Variants in SPATA6L observed in about 807,000 individuals in gnomAD.
SPATA6L encodes the protein spermatogenesis associated 6 like.
Under a neutral mutation model 49.2 loss-of-function variants are expected in SPATA6L, and 68 were observed. The observed-to-expected ratio is 1.38, with a 90% confidence interval of 1.14 to 1.69. The LOEUF (loss-of-function observed/expected upper bound fraction) is 1.69. SPATA6L is among the 40% of genes most tolerant of loss of function. The pLI is 0.00. For synonymous variants in SPATA6L, 198 were observed against 165.7 expected, an observed-to-expected ratio of 1.19 and a Z score of -1.50; for missense variants, 668 against 464.3, an observed-to-expected ratio of 1.44 and a Z score of -4.03.
intron 3 of SPATA6L, chr9:4,646,456 T>A: frequency 6.8e-7 from 1 of 1,470,500 alleles, no homozygotes; most frequent in Non-Finnish European, 9.1e-7. Context: ...CATATTAAGC[T>A]AATTTAGAAA....
chr9:4,589,069 G>A (rs1821736831), intron 13 of SPATA6L: 1 of 152,206 alleles, frequency 6.6e-6, no homozygotes, highest in African/African-American at 2.4e-5. Flanking sequence ...AAGGGACTAT[G>A]GAACACGATG....
chr9:4,601,368 G>GTT (rs34602065), intron 11 of SPATA6L, among the ~76,000 whole-genome samples: 15,241 of 146,954 alleles, frequency 0.1, 969 homozygotes, highest in East Asian at 0.31. Context: ...TTTACGGGAG[G>GTT]TTTTTTTTTT....
intron 13 of SPATA6L, among the ~76,000 whole-genome samples, chr9:4,591,018 G>C (rs1821869634): frequency 6.6e-6 from 1 of 152,208 alleles, no homozygotes; most frequent in South Asian, 2.1e-4. Context: ...TCAAGGGTCT[G>C]GCTGCAGGGG....
At chr9:4,654,605 G>C (rs1246858529) in intron 3 of SPATA6L, among the ~76,000 whole-genome samples, 1 of 152,216 alleles carries the variant, frequency 6.6e-6, no homozygotes, top group South Asian at 2.1e-4. Flanking sequence ...TGGAGAATGA[G>C]TGTGAGGTTT....
rs1213539049 is a variant in SPATA6L at position 4,598,543 on chromosome 9, C to T, written c.*2268G>A. ...GATGCAAAAGTAAAGGGAAAAAAAG[C>T]GTAATTTAGTGTGAAAACCAAAAAT... On this transcript the variant is annotated 3_prime_UTR_variant, in exon 12 of 12. Transcript: ENST00000682582. 6.6e-6 allele frequency among the ~76,000 whole-genome samples: 1 copy of T among 151,972 alleles called. No individual in the cohort carries two copies. Among genetic ancestry groups the T allele is most frequent in the African/African-American group, 2.4e-5 (1 of 41,372 alleles).
At chr9:4,605,857 C>T (rs999759491) in intron 9 of SPATA6L, among the ~76,000 whole-genome samples, 12 of 152,298 alleles carry the variant, frequency 7.9e-5, no homozygotes, top group African/African-American at 1.4e-4. Context: ...CCAGCGTGAG[C>T]GACGCAGAGG....
intron 11 of SPATA6L, among the ~76,000 whole-genome samples, chr9:4,603,689 C>A (rs1823942211): frequency 6.6e-6 from 1 of 151,986 alleles, no homozygotes; most frequent in Non-Finnish European, 1.5e-5. Context: ...AAACAATCAG[C>A]CCAGATAAAA....
At chr9:4,624,815 A>C (rs1339248489) in intron 6 of SPATA6L, among the ~76,000 whole-genome samples, 1 of 152,108 alleles carries the variant, frequency 6.6e-6, no homozygotes, top group East Asian at 1.9e-4. Context: ...AAAATCTAAG[A>C]TGACTTTAAT....
At chr9:4,602,173 C>G (rs567480244) in intron 11 of SPATA6L, among the ~76,000 whole-genome samples, 1 of 151,672 alleles carries the variant, frequency 6.6e-6, no homozygotes, top group Admixed American at 6.6e-5. Context: ...TTCTCTCTAT[C>G]CCCCCACATC....
intron 13 of SPATA6L, among the ~76,000 whole-genome samples, chr9:4,589,821 C>G (rs1017934451): frequency 3.3e-5 from 5 of 152,178 alleles, no homozygotes; most frequent in Non-Finnish European, 5.9e-5. Context: ...TTTAATATAC[C>G]CTGTGGGAGG....
chr9:4,656,018 G>A, intron 3 of SPATA6L, 23 bp downstream of exon 3: 1 of 1,596,972 alleles, frequency 6.3e-7, no homozygotes, highest in Non-Finnish European at 8.6e-7. Context: ...TTGGTTTTTT[G>A]TTTTGTTTTT....
chr9:4,603,726 T>G (rs1157352905), intron 11 of SPATA6L, among the ~76,000 whole-genome samples: 2 of 152,190 alleles, frequency 1.3e-5, no homozygotes, highest in East Asian at 3.8e-4. Context: ...TGTCATAATT[T>G]ATGAAGGAAA....
At chr9:4,612,346 A>T (rs1449590389) in intron 9 of SPATA6L, among the ~76,000 whole-genome samples, 1 of 152,080 alleles carries the variant, frequency 6.6e-6, no homozygotes, top group African/African-American at 2.4e-5. Flanking sequence ...CCAGACTCCA[A>T]ACTGAACCAT....
intron 9 of SPATA6L, among the ~76,000 whole-genome samples, chr9:4,610,259 C>A (rs888736405): frequency 2.7e-4 from 40 of 149,298 alleles, no homozygotes; most frequent in African/African-American, 8.8e-4. Context: ...CCCCATCAAG[C>A]TACCAATGAC....
At position 4,629,769 on chromosome 9, in the gene SPATA6L, G is replaced by GTGTGTATATATATA. The variant is rs1311805859; in HGVS notation, c.352-602_352-601insTATATATATACACA. Among the ~76,000 whole-genome samples, 213 of 101,898 alleles carry GTGTGTATATATATA rather than the reference G, an allele frequency of 2.1e-3. 4 individuals carry two copies. The highest frequency in any genetic ancestry group is 0.01 in the African/African-American group (205 of 20,126). 66.8% of individuals were successfully genotyped at this position (101,898 alleles called of 152,430 possible). A position where few individuals can be genotyped will look rare whatever the true frequency, so the allele number is the denominator to read the frequency against. ...GTGTTTTATATATGTGTGTGTGTGT[G>GTGTGTATATATATA]TATATATATATATATATATATATAT... On this transcript the variant is annotated intron_variant, in intron 4 of 11. Coordinates refer to ENST00000682582, the MANE Select transcript of SPATA6L (RefSeq NM_001353486.2).
chr9:4,658,995 G>A (rs7024582), intron 2 of SPATA6L, among the ~76,000 whole-genome samples: 64,177 of 148,694 alleles, frequency 0.43, 13,975 homozygotes, highest in East Asian at 0.64. Context: ...ATTCAAAATT[G>A]ATATAACTAA....
chr9:4,648,247 C>A (rs776086886), intron 3 of SPATA6L, among the ~76,000 whole-genome samples: 2 of 152,174 alleles, frequency 1.3e-5, no homozygotes, highest in Non-Finnish European at 2.9e-5. Flanking sequence ...AAAACCAAGA[C>A]AGACTGAAAC....
chr9:4,596,650 T>C (rs994528392), downstream of SPATA6L: 1 of 152,228 alleles, frequency 6.6e-6, no homozygotes, highest in African/African-American at 2.4e-5. Flanking sequence ...AAGCCTCTCT[T>C]GTTGGCCTAA....
chr9:4,615,396 C>A (rs998176734), intron 9 of SPATA6L, among the ~76,000 whole-genome samples: 1 of 152,206 alleles, frequency 6.6e-6, no homozygotes, highest in African/African-American at 2.4e-5. Context: ...GTCTTAACCA[C>A]AGATTTAACG....
Sources: allele counts gnomAD v4.1 joint callset (sites outside exome capture counted in the v4.1 genomes callset), GRCh38; gene constraint gnomAD v4.1.1; transcripts MANE v1.5; gene names NCBI Gene and HGNC (gene_info 2026-07-23, HGNC 2026-07-21).